SLC25A21: variants seen among roughly 807,000 people sequenced by gnomAD.
The protein encoded by SLC25A21 is mitochondrial 2-oxodicarboxylate carrier.
Under a neutral mutation model 43.8 loss-of-function variants are expected in SLC25A21, and 47 were observed. The ratio of observed to expected loss-of-function variants is 1.07; its 90% CI spans 0.85 to 1.37. The LOEUF (loss-of-function observed/expected upper bound fraction) is 1.37, where lower values mean the gene tolerates loss of function less well. Among genes scored for constraint, SLC25A21 ranks in the 40% most tolerant of loss-of-function variants. The pLI is 0.00. For missense variants in SLC25A21, 352 were observed against 350.2 expected (o/e 1.00, Z -0.04); for synonymous variants, 131 against 121.3 (o/e 1.08, Z -0.52).
At chr14:37,040,268 G>GGAAGGAAGGA (rs1961423816) in intron 1 of SLC25A21, among the ~76,000 whole-genome samples, 3 of 3,136 alleles carry the variant, frequency 9.6e-4, no homozygotes, top group African/African-American at 5.6e-3. Flanking sequence ...GGGAGGGAGG[G>GGAAGGAAGGA]AGGAAGGAAG....
At chr14:36,834,156 T>C (rs1334174868) in intron 2 of SLC25A21, among the ~76,000 whole-genome samples, 1 of 152,170 alleles carries the variant, frequency 6.6e-6, no homozygotes, top group Non-Finnish European at 1.5e-5. Context: ...AAATAAGTCA[T>C]CATGATGCAC....
At position 36,744,147 on chromosome 14, in the gene SLC25A21, C is replaced by A. The variant is rs560991336; in HGVS notation, c.204-9574G>T. On this transcript the variant is annotated intron_variant, in intron 3 of 9. Transcript: ENST00000331299. Reference sequence around the variant, plus strand: ...TCTACAGATTCAATGCAATTTCTATCAAATTACCAATATCATTCCTCACAT... The same window carrying A: ...TCTACAGATTCAATGCAATTTCTATAAAATTACCAATATCATTCCTCACAT... 3.6e-4 allele frequency among the ~76,000 whole-genome samples: 55 copies of A among 152,250 alleles called. 1 individual carries two copies. In the South Asian group the frequency reaches 5.0e-3, roughly 14 times the overall value.
rs1457090465 is a variant in SLC25A21, at chr14:36,789,785, TTTATATATAATATATTTTATATA to T, written c.203+24110_203+24132del. On this transcript the variant is annotated intron_variant, in intron 3 of 9. Coordinates refer to ENST00000331299, the MANE Select transcript of SLC25A21 (RefSeq NM_030631.4). Reference sequence around the variant, plus strand: ...ATTTATATATAATACATTTTATATATTTATATATAATATATTTTATATATTATATATAATATATTTTATATATT... The same window carrying T: ...ATTTATATATAATACATTTTATATATTTATATATAATATATTTTATATATT... Among the ~76,000 whole-genome samples, 34 of 81,156 alleles carry T rather than the reference TTTATATATAATATATTTTATATA, an allele frequency of 4.2e-4. 2 individuals carry two copies. The highest frequency in any genetic ancestry group is 6.5e-4 in the African/African-American group (13 of 19,864). 53.2% of individuals were successfully genotyped at this position (81,156 alleles called of 152,430 possible).
intron 3 of SLC25A21, among the ~76,000 whole-genome samples, chr14:36,740,484 A>C (rs1376899285): frequency 6.6e-6 from 1 of 152,206 alleles, no homozygotes. Context: ...ATTTGTTTTT[A>C]ATTGTACTAC....
intron 1 of SLC25A21, among the ~76,000 whole-genome samples, chr14:37,026,463 A>G (rs561861098): frequency 1.3e-5 from 2 of 152,254 alleles, no homozygotes; most frequent in African/African-American, 4.8e-5. Flanking sequence ...TGTCGCCACC[A>G]ACTGTAAATT....
At chr14:36,777,754 T>A (rs1171259509) in intron 3 of SLC25A21, among the ~76,000 whole-genome samples, 1 of 152,162 alleles carries the variant, frequency 6.6e-6, no homozygotes, top group Non-Finnish European at 1.5e-5. Context: ...CCCAGAACTG[T>A]GAGAGAATGA....
At chr14:37,159,999 T>C (rs1963912106) in intron 1 of SLC25A21, among the ~76,000 whole-genome samples, 1 of 152,104 alleles carries the variant, frequency 6.6e-6, no homozygotes. Context: ...GAAATGCAAA[T>C]CAAAACCACA....
rs1412066840 is a variant in SLC25A21, at chr14:36,679,495, G to A, written c.*1163C>T. ...TATTCTTGTTGACTTTACTGAATCA[G>A]CATCATCTCTGGATGCAGATATAAA... is the stretch of plus-strand genomic sequence containing the variant. On this transcript the variant is annotated 3_prime_UTR_variant, in exon 10 of 10. Transcript: ENST00000331299. The A allele has an allele frequency of 2.0e-6, 2 of 985,384 alleles. No individual in the cohort carries two copies. The highest frequency in any genetic ancestry group is 4.7e-5 in the South Asian group (1 of 21,288). The allele number at this position is 985,384 out of a possible 1,614,324, so 61.0% of individuals were successfully genotyped here.
chr14:36,876,194 C>T (rs1325796194), intron 1 of SLC25A21, among the ~76,000 whole-genome samples: 1 of 152,152 alleles, frequency 6.6e-6, no homozygotes, highest in African/African-American at 2.4e-5. Flanking sequence ...TCTTCCCCAT[C>T]CCATATTTAT....
At chr14:36,686,346 T>TC (rs986968790) in intron 7 of SLC25A21, among the ~76,000 whole-genome samples, 35 of 152,016 alleles carry the variant, frequency 2.3e-4, no homozygotes, top group African/African-American at 8.0e-4. Flanking sequence ...TAATTCCCTC[T>TC]CCCCCCATTT....
intron 1 of SLC25A21, among the ~76,000 whole-genome samples, chr14:37,002,513 C>T (rs11848465): frequency 0.18 from 27,064 of 152,072 alleles, 2,649 homozygotes; most frequent in Middle Eastern, 0.22. Context: ...AAGGAGCACA[C>T]GTTCTTCCCT....
chr14:36,939,868 C>T (rs959870297), intron 1 of SLC25A21, among the ~76,000 whole-genome samples: 4 of 152,032 alleles, frequency 2.6e-5, no homozygotes, highest in Non-Finnish European at 5.9e-5. Context: ...TTAGTCACTG[C>T]GAATGTGAAC....
At chr14:36,865,853 A>G (rs181523217) in intron 2 of SLC25A21, among the ~76,000 whole-genome samples, 288 of 152,308 alleles carry the variant, frequency 1.9e-3, no homozygotes, top group African/African-American at 6.7e-3. Flanking sequence ...GTGCATATAT[A>G]ACAACACGTG....
chr14:36,957,569 C>G (rs940376482), intron 1 of SLC25A21, among the ~76,000 whole-genome samples: 1 of 152,214 alleles, frequency 6.6e-6, no homozygotes, highest in Non-Finnish European at 1.5e-5. Context: ...TCTCCTCAGA[C>G]AAGCACCAAG....
chr14:36,730,134 G>T (rs1391088089), intron 4 of SLC25A21, among the ~76,000 whole-genome samples: 1 of 152,172 alleles, frequency 6.6e-6, no homozygotes, highest in Non-Finnish European at 1.5e-5. Flanking sequence ...AAGCAAGACT[G>T]TCCTCAACCT....
chr14:36,706,705 C>T (rs1400658934), intron 7 of SLC25A21, among the ~76,000 whole-genome samples: 3 of 152,190 alleles, frequency 2.0e-5, no homozygotes, highest in Non-Finnish European at 4.4e-5. Flanking sequence ...CTTTTCTCAA[C>T]ACGCACATAC....
chr14:37,006,069 G>T (rs1250561504), intron 1 of SLC25A21, among the ~76,000 whole-genome samples: 2 of 152,102 alleles, frequency 1.3e-5, no homozygotes, highest in East Asian at 3.8e-4. Context: ...GTTTAGATGT[G>T]ACAAGGCAAA....
chr14:37,074,823 A>AAAAAAT (rs1395293880), intron 1 of SLC25A21, among the ~76,000 whole-genome samples: 1 of 152,124 alleles, frequency 6.6e-6, no homozygotes, highest in Non-Finnish European at 1.5e-5. Context: ...CTCTGTCTCA[A>AAAAAAT]AAAAATAAAA....
At chr14:37,137,709 G>A (rs1413875170) in intron 1 of SLC25A21, among the ~76,000 whole-genome samples, 2 of 152,050 alleles carry the variant, frequency 1.3e-5, no homozygotes, top group Non-Finnish European at 2.9e-5. Context: ...CTATGTAGTC[G>A]GCCTAATCTA....
Sources: gnomAD v4.1 joint callset for allele counts (sites outside exome capture counted in the v4.1 genomes callset) on GRCh38, gnomAD v4.1.1 for gene constraint, MANE v1.5 for transcripts, NCBI Gene and HGNC (gene_info 2026-07-23, HGNC 2026-07-21) for gene names.